The following ECE1 variants were observed in gnomAD, a reference collection of about 807,000 sequenced individuals.
ECE1 encodes the protein endothelin converting enzyme 1, also known as endothelin-converting enzyme 1.
A neutral mutation model predicts 98.6 loss-of-function variants in ECE1; 35 were observed. The observed-to-expected ratio is 0.35, with a 90% CI of 0.27 to 0.47. The LOEUF is 0.47. Among genes scored for constraint, ECE1 ranks in the 20% least tolerant of loss-of-function variants. ECE1 has a pLI of 1.00. For synonymous variants in ECE1, 394 were observed against 407.1 expected, an observed-to-expected ratio of 0.97 and a Z score of 0.39; for missense variants, 814 against 1,025.3, an observed-to-expected ratio of 0.79 and a Z score of 2.81.
chr1:21,227,600 A>G (rs539912484), intron 15 of ECE1, among the ~76,000 whole-genome samples: 1 of 152,308 alleles, frequency 6.6e-6, no homozygotes, highest in Non-Finnish European at 1.5e-5. Flanking sequence ...CAATCATCCA[A>G]TAGCAGACCT....
chr1:21,325,791 A>G (rs1301154135), intron 1 of ECE1, among the ~76,000 whole-genome samples: 2 of 152,242 alleles, frequency 1.3e-5, no homozygotes, highest in Admixed American at 1.3e-4. Context: ...CACGGAGCAG[A>G]CATGAAACAG....
intron 2 of ECE1, among the ~76,000 whole-genome samples, chr1:21,289,458 C>T (rs1394998347): frequency 6.6e-6 from 1 of 152,130 alleles, no homozygotes; most frequent in Non-Finnish European, 1.5e-5. Context: ...AGATGGGATG[C>T]CCACGGGCGG....
At position 21,290,264 on chromosome 1, in the gene ECE1, G is replaced by C; in HGVS notation, c.51+100C>G. On this transcript the variant is annotated intron_variant, in intron 1 of 18. Transcript: ENST00000374893. The surrounding 1 kb of genome is among the most constrained non-coding windows in gnomAD (Gnocchi z 7.3). Reference sequence around the variant, plus strand: ...GCCGCCGCCGCCGCGCCCCGCCCCGGCCTGGACACCCGAGACCGAGACCGG... The same window carrying C: ...GCCGCCGCCGCCGCGCCCCGCCCCGCCCTGGACACCCGAGACCGAGACCGG... 7.4e-7 allele frequency: 1 copy of C among 1,355,514 alleles called. No homozygotes were observed. The highest frequency in any genetic ancestry group is 1.7e-5 in the South Asian group (1 of 57,756). The allele number at this position is 1,355,514 out of a possible 1,614,324, so 84.0% of individuals were successfully genotyped here.
intron 1 of ECE1, among the ~76,000 whole-genome samples, chr1:21,300,560 A>C (rs903586252): frequency 6.6e-6 from 1 of 151,882 alleles, no homozygotes; most frequent in African/African-American, 2.4e-5. Context: ...TCAGCCTCCC[A>C]AGTAGCTGGG....
At chr1:21,231,714 G>C (rs2098181972) in intron 14 of ECE1, among the ~76,000 whole-genome samples, 1 of 152,188 alleles carries the variant, frequency 6.6e-6, no homozygotes, top group African/African-American at 2.4e-5. Flanking sequence ...GAGTGCAGTG[G>C]TACAACTGTA....
intron 14 of ECE1, among the ~76,000 whole-genome samples, chr1:21,229,273 T>C (rs1281410141): frequency 6.6e-6 from 1 of 151,466 alleles, no homozygotes; most frequent in African/African-American, 2.4e-5. Flanking sequence ...AGCCTCAAAC[T>C]CCTGGGCTCA....
intron 1 of ECE1, among the ~76,000 whole-genome samples, chr1:21,343,095 C>T (rs573938626): frequency 6.6e-6 from 1 of 152,244 alleles, no homozygotes; most frequent in Admixed American, 6.5e-5. Context: ...CCTTCCAGTT[C>T]AGATGTCACC....
chr1:21,284,192 T>A (rs2098258154), intron 2 of ECE1, among the ~76,000 whole-genome samples: 1 of 151,936 alleles, frequency 6.6e-6, no homozygotes, highest in Non-Finnish European at 1.5e-5. Context: ...TGAGATGAGG[T>A]CACAGCATGG....
At chr1:21,245,304 T>C (rs1402562929) in intron 9 of ECE1, among the ~76,000 whole-genome samples, 2 of 152,200 alleles carry the variant, frequency 1.3e-5, no homozygotes, top group East Asian at 3.8e-4. Context: ...TCTTCTACCA[T>C]AGGAAACGCT....
At chr1:21,323,578 T>G (rs1639008654) in intron 1 of ECE1, among the ~76,000 whole-genome samples, 1 of 151,868 alleles carries the variant, frequency 6.6e-6, no homozygotes, top group Non-Finnish European at 1.5e-5. Context: ...GAGCTGTGAT[T>G]GTGCCACTGC....
intron 17 of ECE1, among the ~76,000 whole-genome samples, chr1:21,223,178 C>T (rs896871664): frequency 2.0e-5 from 3 of 151,946 alleles, no homozygotes; most frequent in Non-Finnish European, 2.9e-5. Context: ...GGTTTCACCA[C>T]GTTGCCCAGG....
chr1:21,279,036 T>A (rs2098251086), intron 3 of ECE1, among the ~76,000 whole-genome samples, 155 bp downstream of exon 3: 1 of 152,248 alleles, frequency 6.6e-6, no homozygotes. Context: ...TTCCCGGGTC[T>A]TGGTCTATCT....
intron 1 of ECE1, among the ~76,000 whole-genome samples, chr1:21,302,970 C>A (rs950112484): frequency 1.3e-5 from 2 of 152,144 alleles, no homozygotes; most frequent in Admixed American, 1.3e-4. Flanking sequence ...CCCCTGCCAC[C>A]CCCCGGGCCT....
chr1:21,253,034 ATTATTTTATTTTATTTTATT>A (rs149724130), intron 8 of ECE1, among the ~76,000 whole-genome samples: 39 of 147,840 alleles, frequency 2.6e-4, no homozygotes, highest in Admixed American at 1.8e-3. Context: ...GGACTTCTTT[ATTATTTTATTTTATTTTATT>A]TTATTTTATT....
intron 1 of ECE1, among the ~76,000 whole-genome samples, chr1:21,336,774 T>C (rs1441629224): frequency 6.6e-6 from 1 of 151,916 alleles, no homozygotes. Flanking sequence ...ACCCAAAAGG[T>C]GGAGCTTGCA....
In ECE1 at chr1:21,307,714, G is replaced by A. The variant is rs575437639; in HGVS notation, c.4-17558C>T. ...CTGGCAAGACCAGACCTGTTGTGGCGGCCAGGCTGTACCCACGCAGGGCCA... is the reference window on the plus strand; with the variant it reads ...CTGGCAAGACCAGACCTGTTGTGGCAGCCAGGCTGTACCCACGCAGGGCCA... On this transcript the variant is annotated intron_variant, in intron 1 of 18. Transcript: ENST00000415912. This position sits in a 1 kb window ranked among gnomAD's most constrained non-coding sequence, Gnocchi z 4.2. Among the ~76,000 whole-genome samples the A allele has an allele frequency of 6.5e-4, 99 of 152,234 alleles. No homozygotes were observed. The highest frequency in any genetic ancestry group is 2.3e-3 in the African/African-American group (95 of 41,524).
chr1:21,268,329 A>C (rs552290964), intron 4 of ECE1, among the ~76,000 whole-genome samples: 2 of 152,226 alleles, frequency 1.3e-5, no homozygotes, highest in South Asian at 4.2e-4. Flanking sequence ...ATCTCCCCAA[A>C]ACCTACAAGG....
intron 3 of ECE1, among the ~76,000 whole-genome samples, chr1:21,273,162 C>T (rs1195100102): frequency 1.3e-5 from 2 of 152,258 alleles, no homozygotes; most frequent in Non-Finnish European, 2.9e-5. Context: ...TCTTAATCAA[C>T]CTTCTCCTCC....
intron 13 of ECE1, among the ~76,000 whole-genome samples, chr1:21,234,922 A>G (rs17359581): frequency 0.028 from 4,190 of 152,310 alleles, 91 homozygotes; most frequent in Non-Finnish European, 0.034. Flanking sequence ...ATCTTAAATG[A>G]TTCTCAAGGA....
Sources: allele counts gnomAD v4.1 joint callset (sites outside exome capture counted in the v4.1 genomes callset), GRCh38; gene constraint gnomAD v4.1.1; non-coding constraint Gnocchi (gnomAD v3.1); transcripts MANE v1.5; gene names NCBI Gene and HGNC (gene_info 2026-07-23, HGNC 2026-07-21).